ADGRG4: variants seen among roughly 807,000 people sequenced by gnomAD.
ADGRG4 encodes the protein G protein-coupled receptor 112.
Under a neutral mutation model 126.2 loss-of-function variants are expected in ADGRG4, and 122 were observed. That is an observed-to-expected ratio of 0.97 (90% CI 0.83 to 1.12). The LOEUF (loss-of-function observed/expected upper bound fraction) is 1.12. Ranked by LOEUF, ADGRG4 falls within the 50% of genes most tolerant of loss-of-function variation. The pLI is 0.00. For missense variants in ADGRG4, 2,481 were observed against 2,251.8 expected, an observed-to-expected ratio of 1.10 and a Z score of -2.06; for synonymous variants, 943 against 838.7, an observed-to-expected ratio of 1.12 and a Z score of -2.15.
Position 136,347,161 on chromosome X carries a change from A to G in ADGRG4, c.3455A>G (p.Asn1152Ser). The G allele has an allele frequency of 7.4e-6, 9 of 1,211,155 alleles. No individual in the cohort carries two copies. Among genetic ancestry groups the G allele is most frequent in the Non-Finnish European group, 1.0e-5 (9 of 895,202 alleles). The change falls in exon 6 of 26, where the codon AAC becomes AGC. Residue 1152 changes from asparagine to serine, a missense_variant. Coordinates refer to ENST00000394143, the MANE Select transcript of ADGRG4 (RefSeq NM_153834.4). ...GTCTGCTCAAAACCTCCCCCTGACA[A>G]CATTCCTCCTGCGTCCTCCACTCAT... ...TLVCSKPPPD[N>S]IPPASSTHVI...
chrX:136,370,487 A>G (rs1230588349), intron 13 of ADGRG4, among the ~76,000 whole-genome samples: 1 of 112,370 alleles, frequency 8.9e-6, no homozygotes, highest in East Asian at 2.8e-4. Context: ...ACTTTTGGGC[A>G]CTGACAGGAT....
chrX:136,357,670 ATT>A (rs776135038), intron 9 of ADGRG4, 32 bp from the exon 10 acceptor site: 3 of 1,054,278 alleles, frequency 2.8e-6, no homozygotes, highest in Non-Finnish European at 1.3e-6. Flanking sequence ...TTGTTTAAAG[ATT>A]TCAGTGACTA....
intron 18 of ADGRG4, among the ~76,000 whole-genome samples, chrX:136,393,870 T>A (rs2075332840): frequency 8.9e-6 from 1 of 112,056 alleles, no homozygotes; most frequent in Non-Finnish European, 1.9e-5. Flanking sequence ...TAGGAGCTTA[T>A]TACAAGTATC....
At position 136,302,760 on chromosome X, in the gene ADGRG4, G is replaced by A. The variant is rs938915183; in HGVS notation, c.-253-1373G>A. ...AGTTGCAGAAGAACAGGTAATAATAGCTAATACTTAATAAAGCATTTATTA... is the reference window on the plus strand; with the variant it reads ...AGTTGCAGAAGAACAGGTAATAATAACTAATACTTAATAAAGCATTTATTA... On this transcript the variant is annotated intron_variant, in intron 1 of 25. Transcript: ENST00000394143. 7.2e-5 allele frequency among the ~76,000 whole-genome samples: 8 copies of A among 111,691 alleles called. No individual in the cohort carries two copies. The East Asian group carries it at 2.2e-3, about 31-fold the overall frequency.
chrX:136,363,383 G>T (rs1186345469), intron 12 of ADGRG4, 94 bp from the exon 13 acceptor site: 1 of 617,697 alleles, frequency 1.6e-6, no homozygotes, highest in Non-Finnish European at 2.7e-6. Flanking sequence ...TGGGGCAGGC[G>T]AGGAGAAGGC....
intron 21 of ADGRG4, among the ~76,000 whole-genome samples, chrX:136,401,068 A>G (rs1027497363): frequency 1.8e-5 from 2 of 112,164 alleles, no homozygotes; most frequent in Non-Finnish European, 3.8e-5. Flanking sequence ...TGAGTTCATT[A>G]ACATAGTACA....
Position 136,323,577 on chromosome X carries a change from A to AACACACACACAC in ADGRG4, c.685+212_685+223dup, listed in dbSNP as rs138686053. Among the ~76,000 whole-genome samples the AACACACACACAC allele has an allele frequency of 9.8e-3, 919 of 93,988 alleles. 15 individuals are homozygous for AACACACACACAC. Among genetic ancestry groups the AACACACACACAC allele is most frequent in the African/African-American group, 0.034 (865 of 25,345 alleles). The allele number at this position is 93,988 out of a possible 115,157, so 81.6% of individuals were successfully genotyped here. ...AAAGATTGGAAGAATAGGATAGAAG[A>AACACACACACAC]ACACACACACACACACACACACACA... On this transcript the variant is annotated intron_variant, in intron 5 of 25. Transcript: ENST00000394143.
intron 15 of ADGRG4, among the ~76,000 whole-genome samples, chrX:136,376,524 G>A (rs1377065410): frequency 8.9e-6 from 1 of 111,847 alleles, no homozygotes; most frequent in Non-Finnish European, 1.9e-5. Context: ...TCATGAGCAA[G>A]GGATGTGTTT....
At chrX:136,344,175 G>A (rs998112770) in intron 5 of ADGRG4, among the ~76,000 whole-genome samples, 1 of 111,332 alleles carries the variant, frequency 9.0e-6, no homozygotes, top group Non-Finnish European at 1.9e-5. Flanking sequence ...CTACGAAATG[G>A]ATATCTTCCT....
At chrX:136,342,260 G>A (rs773385835) in intron 5 of ADGRG4, among the ~76,000 whole-genome samples, 2 of 111,811 alleles carry the variant, frequency 1.8e-5, no homozygotes, top group South Asian at 3.8e-4. Flanking sequence ...CTTTCCAGTA[G>A]ATATAGGGAT....
Position 136,416,438 on chromosome X carries a change from T to C in ADGRG4, c.9206-16T>C, listed in dbSNP as rs779516180. 4.2e-6 allele frequency: 5 copies of C among 1,195,412 alleles called. No individual in the cohort carries two copies. Among genetic ancestry groups the C allele is most frequent in the Non-Finnish European group, 5.6e-6 (5 of 885,369 alleles). ...TGATGCCGCAGCTGAAAATTTTCTT[T>C]TTTTCTTTACTGCAGATGACTTTGA... On this transcript the variant is annotated splice_polypyrimidine_tract_variant and intron_variant, in intron 25 of 25. Coordinates refer to ENST00000394143, the MANE Select transcript of ADGRG4 (RefSeq NM_153834.4).
chrX:136,349,830 T>C lies in ADGRG4; in HGVS notation c.6124T>C (p.Phe2042Leu). 1 of 1,210,449 alleles carries C rather than the reference T, an allele frequency of 8.3e-7. No individual in the cohort carries two copies. Among genetic ancestry groups the C allele is most frequent in the Non-Finnish European group, 1.1e-6 (1 of 894,753 alleles). The part of the protein sequence containing the change: ...SSTVEVSKST[F>L]LTSDMISAHP... Reference sequence around the variant, plus strand: ...TACAGTAGAGGTGTCAAAATCAACATTTCTGACATCTGACATGATATCAGC... The same window carrying C: ...TACAGTAGAGGTGTCAAAATCAACACTTCTGACATCTGACATGATATCAGC... Residue 2042 changes from phenylalanine to leucine, a missense_variant, in exon 6 of 26, where the codon TTT (phenylalanine) becomes CTT (leucine). Physicochemically the swap from Phe to Leu is conservative, Grantham distance 22. Transcript: ENST00000394143.
chrX:136,365,038 A>T (rs139792182), intron 13 of ADGRG4, among the ~76,000 whole-genome samples: 244 of 112,057 alleles, frequency 2.2e-3, no homozygotes, highest in Middle Eastern at 9.3e-3. Context: ...CTCCTTCATC[A>T]ACACAGCATG....
In ADGRG4 at chrX:136,397,081, G is replaced by A. The variant is rs746607586; in HGVS notation, c.8185-800G>A. On this transcript the variant is annotated intron_variant, in intron 19 of 25. Transcript: ENST00000394143. ...TGAGATTACAGGCATGAGCCACCCCGCCCGGCCCCAAATAATTCTTTGTCG... is the reference window on the plus strand; with the variant it reads ...TGAGATTACAGGCATGAGCCACCCCACCCGGCCCCAAATAATTCTTTGTCG... Among the ~76,000 whole-genome samples the A allele has an allele frequency of 1.3e-4, 14 of 111,111 alleles. No individual in the cohort carries two copies. In the South Asian group the frequency reaches 3.8e-3, roughly 31 times the overall value.
At chrX:136,332,691 T>C (rs1160970903) in intron 5 of ADGRG4, among the ~76,000 whole-genome samples, 6 of 106,680 alleles carry the variant, frequency 5.6e-5, no homozygotes, top group East Asian at 3.0e-4. Context: ...TTTTAATGAT[T>C]GCCATTCTAA....
At position 136,345,733 on chromosome X, in the gene ADGRG4, T is replaced by C; in HGVS notation, c.2027T>C (p.Phe676Ser). The C allele has an allele frequency of 8.3e-7, 1 of 1,211,240 alleles. No individual in the cohort carries two copies. The highest frequency in any genetic ancestry group is 1.1e-6 in the Non-Finnish European group (1 of 895,203). ...ASMNTTTILT[F>S]VPNENFTSAF... ...ATGAACACAACCACCATACTCACAT[T>C]TGTGCCTAATGAAAATTTTACATCA... Residue 676 changes from phenylalanine (F) to serine (S), a missense_variant, in exon 6 of 26, where the codon TTT (phenylalanine) becomes TCT (serine). Phe to Ser is a radical substitution (Grantham distance 155). Coordinates refer to ENST00000394143, the MANE Select transcript of ADGRG4 (RefSeq NM_153834.4).
rs2075005531 is a variant in ADGRG4 at position 136,345,170 on chromosome X, G to T, written c.1464G>T (p.Gln488His). 1 of 1,209,213 alleles carries T rather than the reference G, an allele frequency of 8.3e-7. No homozygotes were observed. The highest frequency in any genetic ancestry group is 1.1e-6 in the Non-Finnish European group (1 of 894,424). The stretch of plus-strand genomic sequence containing the variant: ...TAGATTCTGTATTTCCTAGAAACCA[G>T]ACAGCATTTCCATTGGCAACAACTG... ...APVDSVFPRN[Q>H]TAFPLATTDM... is the part of the protein sequence containing the mutation. Residue 488 changes from glutamine (Q) to histidine (H), a missense_variant, in exon 6 of 26, where the codon CAG (glutamine) becomes CAT (histidine). Transcript: ENST00000394143.
Position 136,361,499 on chromosome X carries a change from G to A in ADGRG4, c.7189G>A (p.Gly2397Arg), listed in dbSNP as rs768188674. Residue 2397 changes from glycine (G) to arginine (R), a missense_variant, in exon 12 of 26, where the codon GGG (glycine) becomes AGG (arginine). Coordinates refer to ENST00000394143, the MANE Select transcript of ADGRG4 (RefSeq NM_153834.4). ...TGATGAAACAGCCTCTAAATACAAA[G>A]GGACCTATAAGTGGCTATTAACCAA... ...KADETASKYK[G>R]TYKWLLTNPT... 8.4e-7 allele frequency: 1 copy of A among 1,186,415 alleles called. No homozygotes were observed. Among genetic ancestry groups the A allele is most frequent in the Non-Finnish European group, 1.1e-6 (1 of 879,066 alleles).
intron 24 of ADGRG4, among the ~76,000 whole-genome samples, chrX:136,413,174 G>T (rs1012422800): frequency 9.3e-6 from 1 of 107,829 alleles, no homozygotes; most frequent in Non-Finnish European, 1.9e-5. Flanking sequence ...TGCCATGCTG[G>T]TGTGCTGCAC....
Sources: allele counts gnomAD v4.1 joint callset (sites outside exome capture counted in the v4.1 genomes callset), GRCh38; gene constraint gnomAD v4.1.1; transcripts MANE v1.5; gene names NCBI Gene and HGNC (gene_info 2026-07-23, HGNC 2026-07-21).